The following SYCE1L variants were observed in gnomAD, a reference collection of about 807,000 sequenced individuals.
SYCE1L encodes the protein synaptonemal complex central element protein 1-like.
Under a neutral mutation model 39.6 loss-of-function variants are expected in SYCE1L, and 51 were observed. That is an observed-to-expected ratio of 1.29 (90% CI 1.03 to 1.63). SYCE1L has a LOEUF of 1.63. Among genes scored for constraint, SYCE1L ranks in the 40% most tolerant of loss-of-function variants. SYCE1L has a pLI of 0.00. For synonymous variants in SYCE1L, 147 were observed against 122.4 expected (o/e 1.20, Z -1.33); for missense variants, 426 against 304.9 (o/e 1.40, Z -2.96).
At chr16:77,205,121 C>G (rs11641916) in intron 1 of SYCE1L, among the ~76,000 whole-genome samples, 10,968 of 151,304 alleles carry the variant, frequency 0.072, 827 homozygotes, top group African/African-American at 0.18. Flanking sequence ...CTCCAGGTAC[C>G]TACACATAGC....
intron 2 of SYCE1L, among the ~76,000 whole-genome samples, chr16:77,207,548 G>A (rs532584194): frequency 2.6e-5 from 4 of 152,314 alleles, no homozygotes; most frequent in South Asian, 2.1e-4. Context: ...CCAGAGCCCA[G>A]ACTGACAGAG....
chr16:77,208,341 C>T (rs1421078923), intron 3 of SYCE1L, 72 bp downstream of exon 3: 1 of 1,540,958 alleles, frequency 6.5e-7, no homozygotes, highest in East Asian at 2.4e-5. Flanking sequence ...AATCCACCTC[C>T]TCATCTATAA....
At position 77,212,560 on chromosome 16, in the gene SYCE1L, C is replaced by T. The variant is rs1399272086; in HGVS notation, c.582-14C>T. 6.5e-7 allele frequency: 1 copy of T among 1,536,830 alleles called. No individual in the cohort carries two copies. The highest frequency in any genetic ancestry group is 2.4e-5 in the East Asian group (1 of 40,854). On this transcript the variant is annotated splice_polypyrimidine_tract_variant and intron_variant, in intron 9 of 10. Coordinates refer to ENST00000378644, the MANE Select transcript of SYCE1L (RefSeq NM_001129979.3). The stretch of plus-strand genomic sequence containing the variant: ...CGCTCTCTTCCTCCTGTCTCCTCGG[C>T]CCCTTCTCCGCAGGCTGAAGGCGGA...
intron 2 of SYCE1L, 131 bp from the exon 3 acceptor site, chr16:77,208,079 A>T: frequency 1.1e-6 from 1 of 879,952 alleles, no homozygotes; most frequent in African/African-American, 1.7e-5. Context: ...GCTCTGGCAG[A>T]GCTCAACACA....
chr16:77,205,736 A>G (rs1002851318), intron 1 of SYCE1L, among the ~76,000 whole-genome samples: 3 of 151,990 alleles, frequency 2.0e-5, no homozygotes, highest in African/African-American at 7.3e-5. Context: ...ACCTGATGAG[A>G]TTCCATCCCG....
At chr16:77,204,103 T>G (rs553594058) in intron 1 of SYCE1L, among the ~76,000 whole-genome samples, 4 of 152,078 alleles carry the variant, frequency 2.6e-5, no homozygotes, top group Admixed American at 2.6e-4. Context: ...AAAAACATAC[T>G]TGCCTGGTAA....
At position 77,208,455 on chromosome 16, in the gene SYCE1L, C is replaced by G. The variant is rs765107432; in HGVS notation, c.182-10C>G. On this transcript the variant is annotated splice_polypyrimidine_tract_variant and intron_variant, in intron 3 of 10. Transcript: ENST00000378644. ...CACTCATACAGTGTCTTTTTCCCTT[C>G]TTGGCCCAGCAAAGAAGAAATCCAG... The G allele has an allele frequency of 1.3e-4, 198 of 1,551,426 alleles. No homozygotes were observed. Among genetic ancestry groups the G allele is most frequent in the Non-Finnish European group, 1.6e-4 (181 of 1,146,938 alleles).
chr16:77,201,737 G>C (rs1441960902), intron 1 of SYCE1L: 1 of 152,144 alleles, frequency 6.6e-6, no homozygotes, highest in East Asian at 1.9e-4. Context: ...GAGTGTCTCT[G>C]TGGTGGATTT....
intron 1 of SYCE1L, 128 bp from the exon 2 acceptor site, chr16:77,206,313 C>A: frequency 2.7e-6 from 2 of 744,368 alleles, no homozygotes; most frequent in Non-Finnish European, 4.4e-6. Flanking sequence ...CAGATGGAAA[C>A]CTGTCTGTCA....
At chr16:77,208,045 C>T (rs1336551473) in intron 2 of SYCE1L, among the ~76,000 whole-genome samples, 165 bp from the exon 3 acceptor site, 1 of 152,226 alleles carries the variant, frequency 6.6e-6, no homozygotes, top group Non-Finnish European at 1.5e-5. Flanking sequence ...ATCTTGCCAA[C>T]CCAGAATGCA....
chr16:77,200,467 C>G lies in SYCE1L; in HGVS notation c.61+955C>G, dbSNP rs1205666825. On this transcript the variant is annotated intron_variant, in intron 1 of 10. Coordinates refer to ENST00000378644, the MANE Select transcript of SYCE1L (RefSeq NM_001129979.3). ...ACTCCGTCTCAAAAGAAAAAAAATT[C>G]TCCCTTGGCCGGGCTTGGTGGCTTA... is the stretch of plus-strand genomic sequence containing the variant. 2.7e-5 allele frequency: 4 copies of G among 148,740 alleles called. No homozygotes were observed. The East Asian group carries it at 6.1e-4, about 23-fold the overall frequency. The allele number at this position is 148,740 out of a possible 1,614,324, so 9.2% of individuals were successfully genotyped here. A position where few individuals can be genotyped will look rare whatever the true frequency, so the allele number is the denominator to read the frequency against.
rs201975154 is a variant in SYCE1L, at chr16:77,208,245, A to G, written c.157A>G (p.Ser53Gly). The change falls in exon 3 of 11, where the codon AGC (serine) becomes GGC (glycine). Residue 53 changes from serine (S) to glycine (G), a missense_variant. Coordinates refer to ENST00000378644, the MANE Select transcript of SYCE1L (RefSeq NM_001129979.3). ...SLEPQIEDLI[S>G]RINDLQQAKK... is the part of the protein sequence containing the mutation. Reference sequence around the variant, plus strand: ...GGAGCCACAGATAGAGGACCTGATTAGCCGGATTAATGATCTTCAGCAAGG... The same window carrying G: ...GGAGCCACAGATAGAGGACCTGATTGGCCGGATTAATGATCTTCAGCAAGG... 2 of 1,551,694 alleles carry G rather than the reference A, an allele frequency of 1.3e-6. No individual in the cohort carries two copies. The highest frequency in any genetic ancestry group is 2.4e-5 in the East Asian group (1 of 40,910).
chr16:77,200,254 G>GTATATATATATA (rs71382656), intron 1 of SYCE1L: 1 of 84,382 alleles, frequency 1.2e-5, no homozygotes, highest in African/African-American at 3.9e-5. Flanking sequence ...ATATGTATAT[G>GTATATATATATA]TGTATATATA....
chr16:77,206,117 A>G (rs1291071394), intron 1 of SYCE1L, among the ~76,000 whole-genome samples: 1 of 152,168 alleles, frequency 6.6e-6, no homozygotes, highest in Admixed American at 6.5e-5. Context: ...TTCTGGTTAG[A>G]ACTTCATAAT....
Position 77,208,523 on chromosome 16 carries a change from T to C in SYCE1L, c.240T>C (p.His80=). The change falls in exon 4 of 11, where the codon CAT becomes CAC. Residue 80 remains histidine, a synonymous_variant. Coordinates refer to ENST00000378644, the MANE Select transcript of SYCE1L (RefSeq NM_001129979.3). ...RETHSLWEAL[H]RELDSLNGEK... ...CCCACAGTCTCTGGGAGGCCCTGCA[T>C]AGGGAATTAGACTCCTGTAAGTGGG... is the stretch of plus-strand genomic sequence containing the variant. 1 of 1,551,714 alleles carries C rather than the reference T, an allele frequency of 6.4e-7. No homozygotes were observed. The highest frequency in any genetic ancestry group is 8.7e-7 in the Non-Finnish European group (1 of 1,146,992).
intron 1 of SYCE1L, among the ~76,000 whole-genome samples, chr16:77,202,732 G>A (rs1457244886): frequency 2.0e-5 from 3 of 152,174 alleles, no homozygotes; most frequent in African/African-American, 4.8e-5. Flanking sequence ...TCCTAATGAA[G>A]TTTCTGGGAA....
chr16:77,199,575 C>T, intron 1 of SYCE1L, 63 bp downstream of exon 1: 2 of 1,223,636 alleles, frequency 1.6e-6, no homozygotes, highest in East Asian at 2.5e-5. Flanking sequence ...AGGGAGGATT[C>T]GTCCCATTAC....
At position 77,199,503 on chromosome 16, in the gene SYCE1L, G is replaced by C; in HGVS notation, c.52G>C (p.Glu18Gln). The change falls in exon 1 of 11, where the codon GAG (glutamate) becomes CAG (glutamine). Residue 18 changes from glutamate to glutamine, a missense_variant. Physicochemically the swap from Glu to Gln is conservative, Grantham distance 29. Transcript: ENST00000378644. ...LNVEAPEATEEAEGQAKSLKT... is the reference protein window; with the variant it reads ...LNVEAPEATEQAEGQAKSLKT... ...TGTGGAGGCGCCAGAAGCTACTGAGGAGGCTGAAGGTAGTGAGGGCAAGTG... is the reference window on the plus strand; with the variant it reads ...TGTGGAGGCGCCAGAAGCTACTGAGCAGGCTGAAGGTAGTGAGGGCAAGTG... 2 of 1,551,496 alleles carry C rather than the reference G, an allele frequency of 1.3e-6. No individual in the cohort carries two copies. The highest frequency in any genetic ancestry group is 2.4e-5 in the South Asian group (2 of 84,054).
chr16:77,209,287 A>C, intron 5 of SYCE1L, 130 bp from the exon 6 acceptor site: 1 of 1,346,946 alleles, frequency 7.4e-7, no homozygotes, highest in Non-Finnish European at 1.0e-6. Flanking sequence ...GGATTGCTAC[A>C]TCACTTGGAG....
Sources: gnomAD v4.1 joint callset for allele counts (sites outside exome capture counted in the v4.1 genomes callset) on GRCh38, gnomAD v4.1.1 for gene constraint, MANE v1.5 for transcripts, NCBI Gene and HGNC (gene_info 2026-07-23, HGNC 2026-07-21) for gene names.